The following STK35 variants were observed in gnomAD, a reference collection of about 807,000 sequenced individuals.
The protein encoded by STK35 is serine/threonine-protein kinase 35.
Under a neutral mutation model 37.3 loss-of-function variants are expected in STK35, and 17 were observed. The ratio of observed to expected loss-of-function variants is 0.46; its 90% CI spans 0.31 to 0.68. The LOEUF (loss-of-function observed/expected upper bound fraction) is 0.68, where lower values mean the gene tolerates loss of function less well. STK35 is among the 30% of genes least tolerant of loss of function. The pLI is 0.05. For synonymous variants in STK35, 385 were observed against 319.1 expected, an observed-to-expected ratio of 1.21 and a Z score of -2.20; for missense variants, 595 against 746.7, an observed-to-expected ratio of 0.80 and a Z score of 2.37.
In STK35 at chr20:2,102,832, C is replaced by G; in HGVS notation, c.359C>G (p.Ala120Gly). ...GGACGGAGGGATGAGGCAGGGGGGG[C>G]CCGGGCAGCGCCGTTGCTGCTCCCC... ...RAGRRDEAGG[A>G]RAAPLLLPPP... Residue 120 changes from alanine to glycine, a missense_variant, in exon 2 of 4, where the codon GCC becomes GGC. This residue lies in a region of STK35 where 389 missense variants were observed against 320.0 expected (regional missense o/e 1.22). Transcript: ENST00000381482. 2 of 1,530,796 alleles carry G rather than the reference C, an allele frequency of 1.3e-6. No homozygotes were observed. The highest frequency in any genetic ancestry group is 5.1e-5 in the East Asian group (2 of 39,144). 94.8% of individuals were successfully genotyped at this position (1,530,796 alleles called of 1,614,324 possible).
chr20:2,107,900 T>G (rs925079731), intron 2 of STK35, among the ~76,000 whole-genome samples: 2 of 152,202 alleles, frequency 1.3e-5, no homozygotes, highest in African/African-American at 4.8e-5. Flanking sequence ...AATGCTAGAC[T>G]CAGAGTCAGA....
chr20:2,130,960 T>A (rs1425449312), intron 3 of STK35, among the ~76,000 whole-genome samples: 1 of 152,140 alleles, frequency 6.6e-6, no homozygotes, highest in Non-Finnish European at 1.5e-5. Context: ...TGGAACCCCC[T>A]GGGGACCTAG....
Position 2,102,707 on chromosome 20 carries a change from G to A in STK35, c.295-61G>A, listed in dbSNP as rs1037807894. ...GGGAGGAGGAGGTGGGACGCCCCGC[G>A]GCCTACGCTCCTGGCCTCCCCGCCT... On this transcript the variant is annotated intron_variant, in intron 1 of 3. Transcript: ENST00000381482. 3.1e-6 allele frequency: 4 copies of A among 1,304,116 alleles called. No homozygotes were observed. The South Asian group carries it at 5.9e-5, about 19-fold the overall frequency. 80.8% of individuals were successfully genotyped at this position (1,304,116 alleles called of 1,614,324 possible).
intron 3 of STK35, among the ~76,000 whole-genome samples, chr20:2,126,331 A>G (rs1985905950): frequency 6.6e-6 from 1 of 152,188 alleles, no homozygotes; most frequent in Admixed American, 6.5e-5. Context: ...GTAATGGGTT[A>G]TAGATGGCTC....
chr20:2,119,238 C>A (rs898377496), intron 3 of STK35, among the ~76,000 whole-genome samples: 5 of 152,132 alleles, frequency 3.3e-5, no homozygotes, highest in African/African-American at 1.2e-4. Context: ...GGGAAATTGA[C>A]CTTTCGGGTG....
intron 3 of STK35, among the ~76,000 whole-genome samples, chr20:2,133,584 C>T (rs771155793): frequency 6.6e-6 from 1 of 152,180 alleles, no homozygotes; most frequent in Non-Finnish European, 1.5e-5. Flanking sequence ...CTCTTGACCT[C>T]CCAAGGCCAG....
chr20:2,117,973 T>C lies in STK35; in HGVS notation c.*37+558T>C, dbSNP rs558935558. On this transcript the variant is annotated intron_variant, in intron 3 of 3. Coordinates refer to ENST00000381482, the MANE Select transcript of STK35 (RefSeq NM_080836.4). The surrounding 1 kb of genome is among the most constrained non-coding windows in gnomAD (Gnocchi z 4.4). ...TTGCGTTTAAGCCGAGTCTCCCTTT[T>C]TTTAGAAACGCTCTTTCTCATCATT... Among the ~76,000 whole-genome samples the C allele has an allele frequency of 6.6e-6, 1 of 152,340 alleles. No individual in the cohort carries two copies. The highest frequency in any genetic ancestry group is 2.1e-4 in the South Asian group (1 of 4,830).
At chr20:2,142,585 G>A (rs1020304389) in intron 3 of STK35, among the ~76,000 whole-genome samples, 5 of 152,166 alleles carry the variant, frequency 3.3e-5, no homozygotes, top group African/African-American at 7.2e-5. Flanking sequence ...ACAAAACGTC[G>A]TCTCTACTAA....
Position 2,102,157 on chromosome 20 carries a change from G to T in STK35, c.276G>T (p.Lys92Asn), listed in dbSNP as rs61729225. ...GAPGGKRAAR[K>N]WRCAGQVTIQ... ...CAGGGGGGAAACGGGCCGCCCGGAA[G>T]TGGAGGTGCGCGGGCCAGGTAAGGG... Residue 92 changes from lysine to asparagine, a missense_variant, in exon 1 of 4, where the codon AAG (lysine) becomes AAT (asparagine). Physicochemically the swap from Lys to Asn is moderately conservative, Grantham distance 94. Coordinates refer to ENST00000381482, the MANE Select transcript of STK35 (RefSeq NM_080836.4). The T allele has an allele frequency of 3.7e-4, 507 of 1,371,292 alleles. No homozygotes were observed. The highest frequency in any genetic ancestry group is 2.9e-4 in the Admixed American group (9 of 31,066). 84.9% of individuals were successfully genotyped at this position (1,371,292 alleles called of 1,614,324 possible).
At position 2,143,953 on chromosome 20, in the gene STK35, C is replaced by CTTTTTTTTTTTTTTTTTTTTT; in HGVS notation, c.*211_*212insTTTTTTTTTTTTTTTTTTTTT. 2.8e-6 allele frequency: 1 copy of CTTTTTTTTTTTTTTTTTTTTT among 361,514 alleles called. No homozygotes were observed. The highest frequency in any genetic ancestry group is 1.6e-4 in the East Asian group (1 of 6,256). The allele number at this position is 361,514 out of a possible 1,614,324, so 22.4% of individuals were successfully genotyped here. Reference sequence around the variant, plus strand: ...AGTTTTGCTTTATTTTTTTCCTTTTCTTTTCTTTTTTTTTTTTCCTCTTTC... The same window carrying CTTTTTTTTTTTTTTTTTTTTT: ...AGTTTTGCTTTATTTTTTTCCTTTTCTTTTTTTTTTTTTTTTTTTTTTTTTCTTTTTTTTTTTTCCTCTTTC... On this transcript the variant is annotated 3_prime_UTR_variant, in exon 4 of 4. Transcript: ENST00000381482.
At chr20:2,119,076 T>C (rs1985771352) in intron 3 of STK35, among the ~76,000 whole-genome samples, 1 of 152,230 alleles carries the variant, frequency 6.6e-6, no homozygotes, top group Non-Finnish European at 1.5e-5. Flanking sequence ...TCCATCTTCA[T>C]GAATTCTGCA....
Position 2,102,098 on chromosome 20 carries a change from G to T in STK35, c.217G>T (p.Gly73Trp), listed in dbSNP as rs760082256. 1 of 1,473,688 alleles carries T rather than the reference G, an allele frequency of 6.8e-7. No individual in the cohort carries two copies. The allele number at this position is 1,473,688 out of a possible 1,614,324, so 91.3% of individuals were successfully genotyped here. ...SRAARSRRQP[G>W]PGADHPQAGA... The stretch of plus-strand genomic sequence containing the variant: ...CGCTGCTCGGTCCCGGAGGCAGCCC[G>T]GGCCCGGAGCGGACCATCCCCAGGC... Residue 73 changes from glycine (G) to tryptophan (W), a missense_variant, in exon 1 of 4, where the codon GGG becomes TGG. This residue lies in a region of STK35 where 389 missense variants were observed against 320.0 expected (regional missense o/e 1.22). Coordinates refer to ENST00000381482, the MANE Select transcript of STK35 (RefSeq NM_080836.4).
intron 3 of STK35, among the ~76,000 whole-genome samples, chr20:2,136,766 T>C (rs1000064061): frequency 2.0e-5 from 3 of 152,214 alleles, no homozygotes; most frequent in Non-Finnish European, 4.4e-5. Flanking sequence ...CAGCAGACTC[T>C]CTCTGTCCTG....
At chr20:2,121,683 C>T (rs879736461) in intron 3 of STK35, among the ~76,000 whole-genome samples, 4 of 151,996 alleles carry the variant, frequency 2.6e-5, no homozygotes, top group Non-Finnish European at 5.9e-5. Context: ...GGACTGAGCT[C>T]CAGGTGGTGC....
intron 3 of STK35, among the ~76,000 whole-genome samples, chr20:2,119,864 A>G (rs1405148165): frequency 1.3e-5 from 2 of 152,080 alleles, no homozygotes; most frequent in African/African-American, 4.8e-5. Context: ...GGCTCATTCC[A>G]AGTTGAGCTT....
At chr20:2,120,835 C>T (rs1479306178) in intron 3 of STK35, among the ~76,000 whole-genome samples, 2 of 151,740 alleles carry the variant, frequency 1.3e-5, no homozygotes, top group East Asian at 3.9e-4. Context: ...GTGCTCGGTG[C>T]TGGGTGCGGT....
chr20:2,143,150 TG>T (rs952905229), intron 3 of STK35, among the ~76,000 whole-genome samples: 13 of 152,318 alleles, frequency 8.5e-5, no homozygotes, highest in Non-Finnish European at 1.9e-4. Context: ...TTGCCCGTTC[TG>T]GCTCCAGAGC....
At chr20:2,122,960 G>A (rs781753691) in intron 3 of STK35, among the ~76,000 whole-genome samples, 1 of 152,098 alleles carries the variant, frequency 6.6e-6, no homozygotes, top group African/African-American at 2.4e-5. Flanking sequence ...CTTATTTGTC[G>A]CTTTTGAAAG....
intron 3 of STK35, among the ~76,000 whole-genome samples, chr20:2,131,303 G>C (rs1985995376): frequency 6.6e-6 from 1 of 152,144 alleles, no homozygotes; most frequent in South Asian, 2.1e-4. Context: ...AAGGTACAGT[G>C]AAAATACGGC....
Sources: allele counts gnomAD v4.1 joint callset (sites outside exome capture counted in the v4.1 genomes callset), GRCh38; gene constraint gnomAD v4.1.1; regional missense constraint gnomAD v4.1.1; non-coding constraint Gnocchi (gnomAD v3.1); transcripts MANE v1.5; gene names NCBI Gene and HGNC (gene_info 2026-07-23, HGNC 2026-07-21).